CREBBP: variants seen among roughly 807,000 people sequenced by gnomAD.
CREBBP encodes CREB-binding protein.
In CREBBP, 19 loss-of-function variants were observed where a neutral mutation model predicts 265.0. That is an observed-to-expected ratio of 0.07 (90% CI 0.05 to 0.11). The LOEUF is 0.11. Among genes scored for constraint, CREBBP ranks in the 10% least tolerant of loss-of-function variants. The pLI is 1.00. For synonymous variants in CREBBP, 1,457 were observed against 1,223.7 expected (o/e 1.19, Z -3.98); for missense variants, 2,525 against 3,219.0 (o/e 0.78, Z 5.22).
chr16:3,765,036 G>C (rs1202762057), intron 16 of CREBBP, among the ~76,000 whole-genome samples: 1 of 151,812 alleles, frequency 6.6e-6, no homozygotes, highest in Non-Finnish European at 1.5e-5. Context: ...CTGGAGTGCA[G>C]TATCTCGGCT....
intron 1 of CREBBP, among the ~76,000 whole-genome samples, chr16:3,860,921 T>C (rs990471001): frequency 2.0e-5 from 3 of 152,032 alleles, no homozygotes; most frequent in African/African-American, 7.3e-5. Context: ...CAAGCCCTGG[T>C]TCAGATCACA....
At chr16:3,772,105 A>T (rs372768704) in intron 13 of CREBBP, among the ~76,000 whole-genome samples, 1 of 151,940 alleles carries the variant, frequency 6.6e-6, no homozygotes, top group African/African-American at 2.4e-5. Flanking sequence ...CTGTACATTG[A>T]CCCAGCCTAT....
intron 11 of CREBBP, among the ~76,000 whole-genome samples, chr16:3,776,897 A>G (rs1277472188): frequency 6.6e-6 from 1 of 152,126 alleles, no homozygotes; most frequent in Admixed American, 6.6e-5. Flanking sequence ...AGGTGCCTGT[A>G]GTCTCAGCTA....
rs759136399 is a variant in CREBBP at position 3,758,034 on chromosome 16, G to A, written c.3384C>T (p.Ile1128=). The change falls in exon 18 of 31, where the codon ATC becomes ATT. Residue 1128 remains isoleucine (I), a synonymous_variant. Coordinates refer to ENST00000262367, the MANE Select transcript of CREBBP (RefSeq NM_004380.3). ...TGGAGAGGTCCATGGGATTCTTTAC[G>A]ATGTCAAAATAGTCCTTAAAAAAAA... is the stretch of plus-strand genomic sequence containing the variant. ...QLLGIPDYFD[I]VKNPMDLSTI... is the part of the protein sequence containing the mutation. The A allele has an allele frequency of 1.1e-5, 18 of 1,609,840 alleles. No individual in the cohort carries two copies. Among genetic ancestry groups the A allele is most frequent in the Middle Eastern group, 1.6e-4 (1 of 6,078 alleles).
intron 1 of CREBBP, among the ~76,000 whole-genome samples, chr16:3,873,269 A>G (rs561547554): frequency 5.5e-4 from 84 of 152,364 alleles, no homozygotes; most frequent in Non-Finnish European, 9.6e-4. Context: ...ATTTAAAAGA[A>G]AAAATAATTC....
At position 3,727,209 on chromosome 16, in the gene CREBBP, CCA is replaced by C. The variant is rs368211307; in HGVS notation, c.*507_*508del. The C allele has an allele frequency of 3.0e-4, 75 of 250,512 alleles. No homozygotes were observed. In the East Asian group the frequency reaches 4.1e-3, roughly 14 times the overall value. The allele number at this position is 250,512 out of a possible 1,614,324, so 15.5% of individuals were successfully genotyped here. A position where few individuals can be genotyped will look rare whatever the true frequency, so the allele number is the denominator to read the frequency against. On this transcript the variant is annotated 3_prime_UTR_variant, in exon 31 of 31. Coordinates refer to ENST00000262367, the MANE Select transcript of CREBBP (RefSeq NM_004380.3). Reference sequence around the variant, plus strand: ...CATCCAGGGTAATACTGGGAGACGCCCACAGAGTTCACTATAGAAAAAAATCT... The same window carrying C: ...CATCCAGGGTAATACTGGGAGACGCCCAGAGTTCACTATAGAAAAAAATCT...
intron 1 of CREBBP, among the ~76,000 whole-genome samples, chr16:3,853,201 G>A (rs887383843): frequency 3.3e-5 from 5 of 152,138 alleles, no homozygotes; most frequent in African/African-American, 1.2e-4. Flanking sequence ...AAATGAATAA[G>A]TAAGTGTAAA....
At chr16:3,777,518 TAGAAAGAAATATACAGGGGGAGAGGA>T in intron 11 of CREBBP, 69 bp downstream of exon 11, 4 of 1,293,596 alleles carry the variant, frequency 3.1e-6, no homozygotes, top group Non-Finnish European at 4.5e-6. Flanking sequence ...AAGAAAGGGT[TAGAAAGAAATATACAGGGGGAGAGGA>T]AAAAACAGTG....
intron 1 of CREBBP, among the ~76,000 whole-genome samples, chr16:3,861,405 C>T (rs532755918): frequency 6.6e-6 from 1 of 152,330 alleles, no homozygotes; most frequent in Non-Finnish European, 1.5e-5. Flanking sequence ...TTAGTCATTA[C>T]TATCACTGTC....
intron 25 of CREBBP, among the ~76,000 whole-genome samples, chr16:3,739,076 C>T (rs3025678): frequency 0.068 from 10,332 of 152,230 alleles, 1,150 homozygotes; most frequent in African/African-American, 0.23. Context: ...GATAAACAAA[C>T]AAACAAACCA....
At chr16:3,783,603 C>T (rs1004528268) in intron 5 of CREBBP, among the ~76,000 whole-genome samples, 1 of 152,138 alleles carries the variant, frequency 6.6e-6, no homozygotes, top group Admixed American at 6.5e-5. Context: ...GATTGATTGA[C>T]TGACTGAGCT....
Position 3,728,918 on chromosome 16 carries a change from C to T in CREBBP, c.6129G>A (p.Gln2043=). 1 of 1,606,238 alleles carries T rather than the reference C, an allele frequency of 6.2e-7. No individual in the cohort carries two copies. Among genetic ancestry groups the T allele is most frequent in the South Asian group, 1.1e-5 (1 of 90,966 alleles). Residue 2043 remains glutamine (Q), a synonymous_variant, in exon 31 of 31, where the codon CAG becomes CAA. Transcript: ENST00000262367. The surrounding 1 kb of genome is among the most constrained non-coding windows in gnomAD (Gnocchi z 8.7). ...GGGGCCCAGCCACGGCCGCCTGGGC[C>T]TGCATGGATATCACAGGCCTGGGCA... is the stretch of plus-strand genomic sequence containing the variant. The part of the protein sequence containing the change: ...PGLPRPVISM[Q]AQAAVAGPRM...
chr16:3,794,012 G>A (rs181234132), intron 3 of CREBBP, among the ~76,000 whole-genome samples: 7 of 152,230 alleles, frequency 4.6e-5, no homozygotes, highest in Non-Finnish European at 8.8e-5. Flanking sequence ...CAATTTCATA[G>A]GGTACAACCT....
intron 1 of CREBBP, among the ~76,000 whole-genome samples, chr16:3,853,625 AAAAC>A (rs1187854780): frequency 5.4e-5 from 8 of 149,518 alleles, no homozygotes; most frequent in African/African-American, 2.0e-4. Context: ...CCATCTCAAA[AAAAC>A]AAACAAACAA....
rs1464388812 is a variant in CREBBP at position 3,748,281 on chromosome 16, G to A, written c.3836+1346C>T. 2.7e-5 allele frequency among the ~76,000 whole-genome samples: 4 copies of A among 150,182 alleles called. No individual in the cohort carries two copies. In the East Asian group the frequency reaches 7.8e-4, roughly 29 times the overall value. ...GGACAGAGCAAGACTTGTCTCAGGGGGAAAAAAAAAAAGGAAAGAAAAGTA... is the reference window on the plus strand; with the variant it reads ...GGACAGAGCAAGACTTGTCTCAGGGAGAAAAAAAAAAAGGAAAGAAAAGTA... On this transcript the variant is annotated intron_variant, in intron 21 of 30. Transcript: ENST00000262367.
At position 3,729,450 on chromosome 16, in the gene CREBBP, C is replaced by T. The variant is rs886043017; in HGVS notation, c.5597G>A (p.Arg1866His). ...QHRLQQAQLMRRRMATMNTRN... is the reference protein window; with the variant it reads ...QHRLQQAQLMHRRMATMNTRN... ...GGTGTTCATGGTGGCCATCCGCCGGCGCATGAGCTGGGCCTGCTGCAGGCG... is the reference window on the plus strand; with the variant it reads ...GGTGTTCATGGTGGCCATCCGCCGGTGCATGAGCTGGGCCTGCTGCAGGCG... The change falls in exon 31 of 31, where the codon CGC becomes CAC. Residue 1866 changes from arginine (R) to histidine (H), a missense_variant. Arg to His is a conservative substitution (Grantham distance 29). This residue lies in a region of CREBBP where 53 missense variants were observed against 146.3 expected (regional missense o/e 0.36). Coordinates refer to ENST00000262367, the MANE Select transcript of CREBBP (RefSeq NM_004380.3). 2 of 1,614,008 alleles carry T rather than the reference C, an allele frequency of 1.2e-6. No individual in the cohort carries two copies. The highest frequency in any genetic ancestry group is 1.7e-6 in the Non-Finnish European group (2 of 1,180,000).
chr16:3,729,224 C>G lies in CREBBP; in HGVS notation c.5823G>C (p.Gln1941His), dbSNP rs2151308000. 6.5e-7 allele frequency: 1 copy of G among 1,529,636 alleles called. No individual in the cohort carries two copies. Among genetic ancestry groups the G allele is most frequent in the Non-Finnish European group, 8.7e-7 (1 of 1,143,888 alleles). The allele number at this position is 1,529,636 out of a possible 1,614,324, so 94.8% of individuals were successfully genotyped here. Residue 1941 changes from glutamine to histidine, a missense_variant, in exon 31 of 31, where the codon CAG becomes CAC. By Grantham distance (24) the Gln-to-His change is conservative (BLOSUM62 0). Transcript: ENST00000262367. ...GGGCCGGGGGTGGGGGGGCCGGCAC[C>G]TGGCTGGTAGGCTTCCCTGTGGACA... Reference protein sequence around the residue: ...TTVSTGKPTSQVPAPPPPAQP... With the variant: ...TTVSTGKPTSHVPAPPPPAQP...
intron 16 of CREBBP, among the ~76,000 whole-genome samples, chr16:3,760,438 T>C (rs2052690739): frequency 7.5e-6 from 1 of 133,612 alleles, no homozygotes; most frequent in Non-Finnish European, 1.6e-5. Context: ...AGTCTTGCTC[T>C]GTCACCCAGG....
chr16:3,754,620 A>G (rs754690027), intron 19 of CREBBP, among the ~76,000 whole-genome samples: 17 of 152,196 alleles, frequency 1.1e-4, no homozygotes, highest in Admixed American at 5.2e-4. Flanking sequence ...TGTTTTAAGT[A>G]CCATATCAGT....
Sources: allele counts gnomAD v4.1 joint callset (sites outside exome capture counted in the v4.1 genomes callset), GRCh38; gene constraint gnomAD v4.1.1; regional missense constraint gnomAD v4.1.1; non-coding constraint Gnocchi (gnomAD v3.1); transcripts MANE v1.5; gene names NCBI Gene and HGNC (gene_info 2026-07-23, HGNC 2026-07-21).